Variants in RASGRF1 observed in about 807,000 individuals in gnomAD.
RASGRF1 encodes ras-specific guanine nucleotide-releasing factor 1.
RASGRF1 carries 40 observed loss-of-function variants against 138.7 expected under a neutral mutation model. The observed-to-expected ratio is 0.29, with a 90% CI of 0.22 to 0.38. The LOEUF is 0.38. RASGRF1 is among the 10% of genes least tolerant of loss of function. The pLI, the probability that RASGRF1 is intolerant of heterozygous loss-of-function variation, is 1.00. For synonymous variants in RASGRF1, 614 were observed against 663.2 expected (o/e 0.93, Z 1.14); for missense variants, 1,108 against 1,650.4 (o/e 0.67, Z 5.69).
intron 19 of RASGRF1, 175 bp downstream of exon 19, chr15:78,997,921 C>G (rs1451985223): frequency 6.6e-6 from 4 of 605,614 alleles, no homozygotes; most frequent in Non-Finnish European, 1.2e-5. Flanking sequence ...AATAGACTAC[C>G]CAGCCCTGAG....
chr15:78,993,372 A>AGTGTGTGT (rs144031196), intron 20 of RASGRF1, among the ~76,000 whole-genome samples: 35 of 127,614 alleles, frequency 2.7e-4, no homozygotes, highest in African/African-American at 9.6e-4. Context: ...TGGTGTGTGT[A>AGTGTGTGT]GTGTGTGTGT....
At chr15:78,968,808 A>C (rs974259470) in intron 26 of RASGRF1, among the ~76,000 whole-genome samples, 6 of 152,156 alleles carry the variant, frequency 3.9e-5, no homozygotes, top group African/African-American at 1.4e-4. Context: ...CTTCATGCCT[A>C]GGCTTCAAAT....
At chr15:79,085,801 A>G (rs2057971341) in intron 1 of RASGRF1, among the ~76,000 whole-genome samples, 1 of 152,130 alleles carries the variant, frequency 6.6e-6, no homozygotes, top group African/African-American at 2.4e-5. Context: ...GACAAAGATT[A>G]AGTTTTCTTC....
chr15:78,978,875 G>A (rs1189106950), intron 24 of RASGRF1: 7 of 1,193,086 alleles, frequency 5.9e-6, no homozygotes, highest in Non-Finnish European at 7.4e-6. Context: ...AGGCCCGCAG[G>A]CCACCTCTGC....
rs939516324 is a variant in RASGRF1, at chr15:79,087,880, C to T, written c.276+2343G>A. Among the ~76,000 whole-genome samples, 3 of 152,162 alleles carry T rather than the reference C, an allele frequency of 2.0e-5. No individual in the cohort carries two copies. The East Asian group carries it at 5.8e-4, about 29-fold the overall frequency. ...AGTATGAGTCTTTAACAGAAATTTG[C>T]GCCAGACCATCATCTGCTACTTTTA... On this transcript the variant is annotated intron_variant, in intron 1 of 26. Coordinates refer to ENST00000558480, the MANE Select transcript of RASGRF1 (RefSeq NM_001145648.3).
At position 79,020,060 on chromosome 15, in the gene RASGRF1, T is replaced by G; in HGVS notation, c.1587A>C (p.Pro529=). 6.2e-7 allele frequency: 1 copy of G among 1,614,152 alleles called. No individual in the cohort carries two copies. Among genetic ancestry groups the G allele is most frequent in the Non-Finnish European group, 8.5e-7 (1 of 1,180,050 alleles). Residue 529 remains proline (P), a synonymous_variant, in exon 11 of 27, where the codon CCA becomes CCC. Coordinates refer to ENST00000558480, the MANE Select transcript of RASGRF1 (RefSeq NM_001145648.3). ...ACTCACCTTCCTCCTCCGTGCTTTC[T>G]GGCTCCTCCAATAAAGTGCAGTCAA... The part of the protein sequence containing the change: ...SLIDCTLLEE[P]ESTEEEAKGS...
intron 12 of RASGRF1, among the ~76,000 whole-genome samples, chr15:79,017,313 A>G (rs2056892691): frequency 6.6e-6 from 1 of 152,104 alleles, no homozygotes; most frequent in East Asian, 1.9e-4. Flanking sequence ...TGAAGAAGCT[A>G]CCCTTGGCTT....
intron 2 of RASGRF1, among the ~76,000 whole-genome samples, chr15:79,061,764 A>G (rs1188825742): frequency 6.6e-6 from 1 of 152,130 alleles, no homozygotes; most frequent in African/African-American, 2.4e-5. Flanking sequence ...GGTTCCTTTT[A>G]CTGCTGAGCA....
At chr15:79,029,378 G>A (rs188255162) in intron 8 of RASGRF1, among the ~76,000 whole-genome samples, 6 of 152,300 alleles carry the variant, frequency 3.9e-5, no homozygotes, top group Admixed American at 3.9e-4. Context: ...TGCGGGGGAA[G>A]CCTGTGTTTG....
intron 2 of RASGRF1, among the ~76,000 whole-genome samples, chr15:79,058,961 A>T (rs1242865423): frequency 2.0e-5 from 3 of 152,138 alleles, no homozygotes; most frequent in Admixed American, 2.0e-4. Context: ...CCCTCACCCC[A>T]TGGGTGTGAA....
intron 26 of RASGRF1, among the ~76,000 whole-genome samples, chr15:78,969,882 CCTA>C (rs2055716520): frequency 6.6e-6 from 1 of 152,126 alleles, no homozygotes; most frequent in South Asian, 2.1e-4. Context: ...GAGCCAAGAG[CCTA>C]CTATAGTGCT....
At chr15:79,038,753 A>G (rs2057256158) in intron 5 of RASGRF1, among the ~76,000 whole-genome samples, 2 of 152,144 alleles carry the variant, frequency 1.3e-5, no homozygotes, top group South Asian at 4.1e-4. Context: ...TTTTCCTTGT[A>G]AGGCAGACCA....
chr15:79,049,817 G>T lies in RASGRF1; in HGVS notation c.532-229C>A, dbSNP rs540235028. Among the ~76,000 whole-genome samples the T allele has an allele frequency of 2.0e-5, 3 of 152,258 alleles. No individual in the cohort carries two copies. In the East Asian group the frequency reaches 5.8e-4, roughly 29 times the overall value. On this transcript the variant is annotated intron_variant, in intron 3 of 26. Transcript: ENST00000558480. Reference sequence around the variant, plus strand: ...TGCACGGGGGATGGGTAGACACCTGGGTTCCAGGCCAGCTGGGCTGCCCAA... The same window carrying T: ...TGCACGGGGGATGGGTAGACACCTGTGTTCCAGGCCAGCTGGGCTGCCCAA...
At chr15:79,042,326 T>C (rs866776352) in intron 5 of RASGRF1, among the ~76,000 whole-genome samples, 2 of 152,214 alleles carry the variant, frequency 1.3e-5, no homozygotes, top group African/African-American at 2.4e-5. Context: ...GACAGCTACA[T>C]ATGAAAAAGC....
At chr15:79,004,478 G>A (rs554207515) in intron 14 of RASGRF1, among the ~76,000 whole-genome samples, 13 of 152,096 alleles carry the variant, frequency 8.5e-5, no homozygotes, top group African/African-American at 2.9e-4. Flanking sequence ...CCTGAGCTGC[G>A]GACTGTGCAA....
chr15:79,007,865 C>CT (rs576133293), intron 13 of RASGRF1, among the ~76,000 whole-genome samples: 3,391 of 142,282 alleles, frequency 0.024, 43 homozygotes, highest in African/African-American at 0.028. Context: ...TCTAGTTTTT[C>CT]TTTTTTTTTT....
chr15:78,969,385 C>T (rs2055705832), intron 26 of RASGRF1, among the ~76,000 whole-genome samples: 1 of 152,126 alleles, frequency 6.6e-6, no homozygotes, highest in African/African-American at 2.4e-5. Context: ...TCTGTTTTGT[C>T]CAACATTGAA....
chr15:79,086,121 G>C (rs982998928), intron 1 of RASGRF1, among the ~76,000 whole-genome samples: 1 of 152,178 alleles, frequency 6.6e-6, no homozygotes, highest in Admixed American at 6.5e-5. Flanking sequence ...TCTGGAACGG[G>C]TTGGGTAGTC....
At chr15:79,005,311 G>C in intron 14 of RASGRF1, 12 of 985,552 alleles carry the variant, frequency 1.2e-5, no homozygotes, top group Non-Finnish European at 1.4e-5. Flanking sequence ...GGAGCCCTGG[G>C]GAGCCAGTGT....
Sources: allele counts gnomAD v4.1 joint callset (sites outside exome capture counted in the v4.1 genomes callset), GRCh38; gene constraint gnomAD v4.1.1; transcripts MANE v1.5; gene names NCBI Gene and HGNC (gene_info 2026-07-23, HGNC 2026-07-21).